PLCL1: variants seen among roughly 807,000 people sequenced by gnomAD.
The protein encoded by PLCL1 is phospholipase C like 1 (inactive).
PLCL1 carries 41 observed loss-of-function variants against 84.4 expected under a neutral mutation model. The ratio of observed to expected loss-of-function variants is 0.49; its 90% CI spans 0.38 to 0.63. The LOEUF (loss-of-function observed/expected upper bound fraction) is 0.63, where lower values mean the gene tolerates loss of function less well. PLCL1 is among the 30% of genes least tolerant of loss of function. The probability of loss-of-function intolerance (pLI) is 0.00; values close to 1 mark genes in which losing one functional copy is unlikely to be tolerated. For synonymous variants in PLCL1, 490 were observed against 488.3 expected, an observed-to-expected ratio of 1.00 and a Z score of -0.05; for missense variants, 1,206 against 1,367.8, an observed-to-expected ratio of 0.88 and a Z score of 1.87.
chr2:198,073,774 T>C (rs1692516085), intron 1 of PLCL1, among the ~76,000 whole-genome samples: 1 of 152,208 alleles, frequency 6.6e-6, no homozygotes, highest in Admixed American at 6.5e-5. Context: ...ACAGACTTAA[T>C]ACAAATGCAA....
Position 197,838,593 on chromosome 2 carries a change from A to G in PLCL1, c.240+33254A>G, listed in dbSNP as rs151251377. Among the ~76,000 whole-genome samples, 611 of 152,366 alleles carry G rather than the reference A, an allele frequency of 4.0e-3. 5 individuals carry two copies. Among genetic ancestry groups the G allele is most frequent in the Non-Finnish European group, 6.1e-3 (415 of 68,034 alleles). ...AATCATGAATTGAAAAAGTTTTAATAGCTTTCCATGTATGCTAGGTATTTC... is the reference window on the plus strand; with the variant it reads ...AATCATGAATTGAAAAAGTTTTAATGGCTTTCCATGTATGCTAGGTATTTC... On this transcript the variant is annotated intron_variant, in intron 1 of 5. Transcript: ENST00000428675.
intron 1 of PLCL1, among the ~76,000 whole-genome samples, chr2:198,075,520 A>T (rs749675778): frequency 6.6e-6 from 1 of 152,240 alleles, no homozygotes; most frequent in Non-Finnish European, 1.5e-5. Flanking sequence ...CACGTATCTC[A>T]TAACTGCGTA....
At position 198,006,720 on chromosome 2, in the gene PLCL1, T is replaced by C. The variant is rs368096557; in HGVS notation, c.241-77038T>C. On this transcript the variant is annotated intron_variant, in intron 1 of 5. Transcript: ENST00000428675. Reference sequence around the variant, plus strand: ...TGTCTTTGTGCTCTGGGCTTCTGTCTCTGTAGTGTTAATATTTCAAGAATG... The same window carrying C: ...TGTCTTTGTGCTCTGGGCTTCTGTCCCTGTAGTGTTAATATTTCAAGAATG... Among the ~76,000 whole-genome samples, 34 of 152,284 alleles carry C rather than the reference T, an allele frequency of 2.2e-4. No homozygotes were observed. In the East Asian group the frequency reaches 6.0e-3, roughly 27 times the overall value.
intron 1 of PLCL1, among the ~76,000 whole-genome samples, chr2:197,973,270 T>C (rs1689906288): frequency 6.6e-6 from 1 of 152,212 alleles, no homozygotes; most frequent in African/African-American, 2.4e-5. Flanking sequence ...TCTTTCCTTA[T>C]GGGCTTGGGA....
intron 1 of PLCL1, among the ~76,000 whole-genome samples, chr2:198,065,120 C>T (rs549455649): frequency 6.6e-5 from 10 of 152,272 alleles, no homozygotes; most frequent in African/African-American, 2.4e-4. Context: ...AAAAGCTCCA[C>T]TCTATTTGAA....
At chr2:198,025,782 GGA>G (rs1691249673) in intron 1 of PLCL1, among the ~76,000 whole-genome samples, 1 of 152,102 alleles carries the variant, frequency 6.6e-6, no homozygotes, top group South Asian at 2.1e-4. Flanking sequence ...ATGTAAACAT[GGA>G]GAACCCAGAT....
intron 1 of PLCL1, among the ~76,000 whole-genome samples, chr2:198,053,956 T>C (rs925109028): frequency 2.0e-5 from 3 of 152,212 alleles, no homozygotes; most frequent in Non-Finnish European, 4.4e-5. Context: ...GCAGGAGTAT[T>C]TATGGAGTTG....
At chr2:197,996,953 T>A (rs561208952) in intron 1 of PLCL1, among the ~76,000 whole-genome samples, 24 of 152,258 alleles carry the variant, frequency 1.6e-4, no homozygotes, top group African/African-American at 5.8e-4. Context: ...ACATTTTGAA[T>A]GAGTTTTGCT....
chr2:197,990,146 A>G (rs541991727), intron 1 of PLCL1, among the ~76,000 whole-genome samples: 1 of 152,186 alleles, frequency 6.6e-6, no homozygotes, highest in Admixed American at 6.5e-5. Context: ...CTTGAGGAAG[A>G]CACATTAGAC....
At chr2:197,890,802 T>A (rs1211501270) in intron 1 of PLCL1, among the ~76,000 whole-genome samples, 11 of 142,948 alleles carry the variant, frequency 7.7e-5, no homozygotes, top group Non-Finnish European at 7.6e-5. Flanking sequence ...ATATATATAT[T>A]TGCTATATAT....
intron 5 of PLCL1, among the ~76,000 whole-genome samples, chr2:198,132,055 A>G (rs1327512112): frequency 6.6e-6 from 1 of 152,220 alleles, no homozygotes; most frequent in Admixed American, 6.5e-5. Context: ...ACAGGGGCTC[A>G]GCTCTGCTGG....
In PLCL1 at chr2:198,120,441, A is replaced by G. The variant is rs573581507; in HGVS notation, c.3105+16505A>G. Among the ~76,000 whole-genome samples the G allele has an allele frequency of 5.3e-5, 8 of 152,092 alleles. 1 individual carries two copies. The East Asian group carries it at 1.4e-3, about 26-fold the overall frequency. Reference sequence around the variant, plus strand: ...TTCATTCTAACTTCTTTTTGTACCCATTAACCATCCTCATCTCCCCTCATT... The same window carrying G: ...TTCATTCTAACTTCTTTTTGTACCCGTTAACCATCCTCATCTCCCCTCATT... On this transcript the variant is annotated intron_variant, in intron 5 of 5. Transcript: ENST00000428675.
intron 1 of PLCL1, among the ~76,000 whole-genome samples, chr2:197,937,044 T>G (rs969012003): frequency 5.9e-5 from 9 of 152,204 alleles, no homozygotes; most frequent in African/African-American, 1.9e-4. Context: ...AGACTGTCCT[T>G]TCTTCATTGT....
chr2:197,959,287 T>C (rs527466215), intron 1 of PLCL1, among the ~76,000 whole-genome samples: 3 of 152,052 alleles, frequency 2.0e-5, no homozygotes, highest in Non-Finnish European at 4.4e-5. Flanking sequence ...GATGGTGCAG[T>C]TGATGTCTGA....
intron 1 of PLCL1, among the ~76,000 whole-genome samples, chr2:197,812,688 A>T (rs1405277494): frequency 6.6e-6 from 1 of 152,224 alleles, no homozygotes; most frequent in African/African-American, 2.4e-5. Flanking sequence ...TACACGGTAC[A>T]ATATCACGGT....
intron 1 of PLCL1, among the ~76,000 whole-genome samples, chr2:197,980,596 T>A (rs1040341478): frequency 6.6e-6 from 1 of 152,184 alleles, no homozygotes; most frequent in Non-Finnish European, 1.5e-5. Flanking sequence ...TGAGAGAATA[T>A]TGAAATTGAT....
chr2:198,092,463 T>G (rs1488097428), intron 3 of PLCL1, among the ~76,000 whole-genome samples: 2 of 152,232 alleles, frequency 1.3e-5, no homozygotes, highest in East Asian at 3.8e-4. Context: ...CCTCAAACAT[T>G]TATTTCTTAG....
intron 5 of PLCL1, among the ~76,000 whole-genome samples, chr2:198,105,140 A>G (rs1693442987): frequency 2.0e-5 from 3 of 152,024 alleles, no homozygotes; most frequent in Admixed American, 2.0e-4. Context: ...CAGAGATTTT[A>G]TAGTTTTAGG....
intron 1 of PLCL1, among the ~76,000 whole-genome samples, chr2:198,014,937 A>G (rs1329178215): frequency 6.6e-6 from 1 of 152,110 alleles, no homozygotes; most frequent in African/African-American, 2.4e-5. Flanking sequence ...TTTGAGCCTC[A>G]TGCAATTTTG....
Sources: gnomAD v4.1 joint callset for allele counts (sites outside exome capture counted in the v4.1 genomes callset) on GRCh38, gnomAD v4.1.1 for gene constraint, MANE v1.5 for transcripts, NCBI Gene and HGNC (gene_info 2026-07-23, HGNC 2026-07-21) for gene names.